SH2B1: variants seen among roughly 807,000 people sequenced by gnomAD.
The protein encoded by SH2B1 is SH2B adaptor protein 1, also known as SH2B adapter protein 1.
Under a neutral mutation model 62.6 loss-of-function variants are expected in SH2B1, and 15 were observed. The ratio of observed to expected loss-of-function variants is 0.24; its 90% confidence interval spans 0.16 to 0.37. SH2B1 has a LOEUF of 0.37. Ranked by LOEUF, SH2B1 falls within the 10% of genes least tolerant of loss-of-function variation. The probability of loss-of-function intolerance (pLI) is 1.00; values close to 1 mark genes in which losing one functional copy is unlikely to be tolerated. For synonymous variants in SH2B1, 443 were observed against 438.0 expected, an observed-to-expected ratio of 1.01 and a Z score of -0.14; for missense variants, 925 against 1,015.6, an observed-to-expected ratio of 0.91 and a Z score of 1.21.
At chr16:28,871,649 A>G (rs1415292151) in intron 4 of SH2B1, 131 bp from the exon 5 acceptor site, 9 of 720,410 alleles carry the variant, frequency 1.2e-5, no homozygotes, top group Non-Finnish European at 2.2e-5. Context: ...AGGGGTCACT[A>G]CCCACAGAGC....
At chr16:28,859,460 C>A (rs1006091982), upstream of SH2B1, among the ~76,000 whole-genome samples, 2 of 152,094 alleles carry the variant, frequency 1.3e-5, no homozygotes, top group African/African-American at 2.4e-5. Flanking sequence ...ATTGGGAAAG[C>A]TATACTCTTT....
intron 1 of SH2B1, among the ~76,000 whole-genome samples, chr16:28,848,830 C>T (rs1436159325): frequency 2.0e-5 from 3 of 151,860 alleles, no homozygotes; most frequent in Admixed American, 2.0e-4. Context: ...TGCCACCACG[C>T]CCAGCTAATT....
In SH2B1 at chr16:28,866,118, G is replaced by T; in HGVS notation, c.24G>T (p.Glu8Asp). 1 of 1,586,972 alleles carries T rather than the reference G, an allele frequency of 6.3e-7. No homozygotes were observed. The change falls in exon 1 of 8, where the codon GAG becomes GAT. Residue 8 changes from glutamate to aspartate, a missense_variant. Physicochemically the swap from Glu to Asp is conservative, Grantham distance 45. Coordinates refer to ENST00000684370, the MANE Select transcript of SH2B1 (RefSeq NM_001387430.1). This position sits in a 1 kb window ranked among gnomAD's most constrained non-coding sequence, Gnocchi z 6.3. MNGAPSPEDGASPSSPPL... is the reference protein window; with the variant it reads MNGAPSPDDGASPSSPPL... Reference sequence around the variant, plus strand: ...TCATGAATGGTGCCCCTTCCCCAGAGGACGGGGCCTCCCCCTCGTCTCCCC... The same window carrying T: ...TCATGAATGGTGCCCCTTCCCCAGATGACGGGGCCTCCCCCTCGTCTCCCC...
In SH2B1 at chr16:28,852,350, A is replaced by T. The variant is rs1334809957; in HGVS notation, c.-301+5523A>T. On this transcript the variant is annotated intron_variant, in intron 1 of 10. Coordinates refer to the SH2B1 transcript ENST00000322610. ...TATTTACATATATATTTACATATAT[A>T]TTTATATATATATTTATATATATTT... is the stretch of plus-strand genomic sequence containing the variant. Among the ~76,000 whole-genome samples, 13 of 82,340 alleles carry T rather than the reference A, an allele frequency of 1.6e-4. 1 individual carries two copies. Among genetic ancestry groups the T allele is most frequent in the Admixed American group, 7.5e-4 (4 of 5,304 alleles). 54.0% of individuals were successfully genotyped at this position (82,340 alleles called of 152,430 possible). A position where few individuals can be genotyped will look rare whatever the true frequency, so the allele number is the denominator to read the frequency against.
chr16:28,866,601 C>A lies in SH2B1; in HGVS notation c.507C>A (p.Ile169=). 1 of 1,614,052 alleles carries A rather than the reference C, an allele frequency of 6.2e-7. No individual in the cohort carries two copies. Among genetic ancestry groups the A allele is most frequent in the Non-Finnish European group, 8.5e-7 (1 of 1,180,012 alleles). ...CTGTCCGAGGCTCAGTCCGTGGCAT[C>A]CTGCAGTGGCGGGGGACCGTTGACC... ...GRSVRGSVRG[I]LQWRGTVDPP... Residue 169 remains isoleucine (I), a synonymous_variant, in exon 1 of 8, where the codon ATC becomes ATA. Coordinates refer to ENST00000684370, the MANE Select transcript of SH2B1 (RefSeq NM_001387430.1). The surrounding 1 kb of genome is among the most constrained non-coding windows in gnomAD (Gnocchi z 6.3).
At chr16:28,860,129 T>C (rs746160680), upstream of SH2B1, among the ~76,000 whole-genome samples, 21 of 152,122 alleles carry the variant, frequency 1.4e-4, no homozygotes, top group Non-Finnish European at 2.2e-4. Flanking sequence ...TTCCTCAAGA[T>C]AGAAACAAAC....
rs909056882 is a variant in SH2B1, at chr16:28,865,476, G to A, written c.-619G>A. The A allele has an allele frequency of 2.0e-6, 2 of 985,614 alleles. No individual in the cohort carries two copies. The highest frequency in any genetic ancestry group is 2.4e-6 in the Non-Finnish European group (2 of 829,964). 61.1% of individuals were successfully genotyped at this position (985,614 alleles called of 1,614,324 possible). On this transcript the variant is annotated 5_prime_UTR_variant, in exon 1 of 8. Coordinates refer to ENST00000684370, the MANE Select transcript of SH2B1 (RefSeq NM_001387430.1). ...TCTCTAGCCCCCTGCGAGCTGGGGCGGTGAGGTGCTATGGCTGAGGCTGGC... is the reference window on the plus strand; with the variant it reads ...TCTCTAGCCCCCTGCGAGCTGGGGCAGTGAGGTGCTATGGCTGAGGCTGGC...
chr16:28,870,526 A>G (rs1962969133), intron 4 of SH2B1, among the ~76,000 whole-genome samples: 1 of 152,130 alleles, frequency 6.6e-6, no homozygotes, highest in South Asian at 2.1e-4. Context: ...ACATGAATAC[A>G]AGGTAAGGTA....
At position 28,869,000 on chromosome 16, in the gene SH2B1, C is replaced by A. The variant is rs779166311; in HGVS notation, c.1042-6C>A. On this transcript the variant is annotated splice_region_variant and splice_polypyrimidine_tract_variant and intron_variant, in intron 2 of 7. Transcript: ENST00000684370. ...CCCCAGCTGAGGCGTCGTCTCATCT[C>A]TGTAGGTGGAAGGTCCATCCGAGTA... 1 of 1,612,918 alleles carries A rather than the reference C, an allele frequency of 6.2e-7. No homozygotes were observed. Among genetic ancestry groups the A allele is most frequent in the Non-Finnish European group, 8.5e-7 (1 of 1,178,866 alleles).
In SH2B1 at chr16:28,865,397, G is replaced by A. The variant is rs1421864745; in HGVS notation, c.-698G>A. ...TTAATGAATCGGCCCCCTCCAAAGA[G>A]TTGGACCCTAAGATGCGTGAGGCAG... On this transcript the variant is annotated 5_prime_UTR_variant, in exon 1 of 8. Transcript: ENST00000684370. 12 of 985,520 alleles carry A rather than the reference G, an allele frequency of 1.2e-5. No individual in the cohort carries two copies. The highest frequency in any genetic ancestry group is 1.3e-5 in the Non-Finnish European group (11 of 829,996). 61.0% of individuals were successfully genotyped at this position (985,520 alleles called of 1,614,324 possible). A position where few individuals can be genotyped will look rare whatever the true frequency, so the allele number is the denominator to read the frequency against.
Position 28,865,514 on chromosome 16 carries a change from T to A in SH2B1, c.-581T>A, listed in dbSNP as rs1962636684. On this transcript the variant is annotated 5_prime_UTR_variant, in exon 1 of 8. Coordinates refer to ENST00000684370, the MANE Select transcript of SH2B1 (RefSeq NM_001387430.1). ...GGCTGAGGCTGGCCCAGCCGGGCCCTGGGGACAGGGACTATGAAGTGGGGA... is the reference window on the plus strand; with the variant it reads ...GGCTGAGGCTGGCCCAGCCGGGCCCAGGGGACAGGGACTATGAAGTGGGGA... 2 of 985,486 alleles carry A rather than the reference T, an allele frequency of 2.0e-6. No homozygotes were observed. Among genetic ancestry groups the A allele is most frequent in the South Asian group, 9.4e-5 (2 of 21,294 alleles). 61.0% of individuals were successfully genotyped at this position (985,486 alleles called of 1,614,324 possible).
intron 1 of SH2B1, among the ~76,000 whole-genome samples, chr16:28,852,394 A>ATATATATT (rs1567458443): frequency 2.8e-5 from 1 of 35,396 alleles, no homozygotes; most frequent in African/African-American, 1.6e-4. Context: ...TTATATATAT[A>ATATATATT]CATATATATT....
At chr16:28,853,526 T>TC (rs1962255590) in intron 1 of SH2B1, among the ~76,000 whole-genome samples, 1 of 148,440 alleles carries the variant, frequency 6.7e-6, no homozygotes. Context: ...CTTTTTCTTT[T>TC]TTTTTTTTTT....
chr16:28,871,665 G>C, intron 4 of SH2B1, 115 bp from the exon 5 acceptor site: 1 of 793,442 alleles, frequency 1.3e-6, no homozygotes. Context: ...AGAGCTGTTT[G>C]GCATCTTGGC....
intron 1 of SH2B1, among the ~76,000 whole-genome samples, chr16:28,851,682 C>G (rs987319233): frequency 6.7e-6 from 1 of 149,614 alleles, no homozygotes; most frequent in Non-Finnish European, 1.5e-5. Flanking sequence ...CCAGGCTGGT[C>G]TCGAACTCCT....
intron 1 of SH2B1, among the ~76,000 whole-genome samples, chr16:28,852,221 C>CATATATATATTTACATAT (rs201261917): frequency 2.5e-5 from 1 of 39,418 alleles, no homozygotes; most frequent in African/African-American, 2.2e-4. Context: ...TATATATTTA[C>CATATATATATTTACATAT]ATATATATTT....
At chr16:28,855,325 T>A (rs2152161090) in intron 1 of SH2B1, among the ~76,000 whole-genome samples, 1 of 152,156 alleles carries the variant, frequency 6.6e-6, no homozygotes. Context: ...GTTCAAGCAA[T>A]ACTCATGCCT....
upstream of SH2B1, among the ~76,000 whole-genome samples, chr16:28,858,983 G>A (rs1368076256): frequency 6.7e-6 from 1 of 150,234 alleles, no homozygotes; most frequent in Non-Finnish European, 1.5e-5. Context: ...GTTTTTTTTA[G>A]AGACAGGATC....
chr16:28,871,211 T>C (rs1963010660), intron 4 of SH2B1, among the ~76,000 whole-genome samples: 1 of 152,128 alleles, frequency 6.6e-6, no homozygotes. Flanking sequence ...AGAGATGGTG[T>C]TTCACCATGT....
Sources: allele counts gnomAD v4.1 joint callset (sites outside exome capture counted in the v4.1 genomes callset), GRCh38; gene constraint gnomAD v4.1.1; non-coding constraint Gnocchi (gnomAD v3.1); transcripts MANE v1.5; gene names NCBI Gene and HGNC (gene_info 2026-07-23, HGNC 2026-07-21).